CDC25B: variants seen among roughly 807,000 people sequenced by gnomAD.
CDC25B encodes the protein cell division cycle 25B.
CDC25B carries 33 observed loss-of-function variants against 69.8 expected under a neutral mutation model. The observed-to-expected ratio is 0.47, with a 90% CI of 0.36 to 0.63. The LOEUF (loss-of-function observed/expected upper bound fraction) is 0.63, where lower values mean the gene tolerates loss of function less well. CDC25B is among the 30% of genes least tolerant of loss of function. CDC25B has a pLI of 0.00. For missense variants in CDC25B, 727 were observed against 809.1 expected (o/e 0.90, Z 1.23); for synonymous variants, 341 against 314.6 (o/e 1.08, Z -0.89).
Position 3,805,305 on chromosome 20 carries a change from G to C in CDC25B, c.*344G>C. 3.0e-6 allele frequency: 1 copy of C among 336,842 alleles called. No individual in the cohort carries two copies. The highest frequency in any genetic ancestry group is 5.6e-6 in the Non-Finnish European group (1 of 179,454). The allele number at this position is 336,842 out of a possible 1,614,324, so 20.9% of individuals were successfully genotyped here. On this transcript the variant is annotated 3_prime_UTR_variant, in exon 16 of 16. Coordinates refer to ENST00000245960, the MANE Select transcript of CDC25B (RefSeq NM_021873.4). ...TGTCCTGAAACGCTCCTTTGTGTGTGTGTCAGCTGAGGCTGGGGGAGAGCC... is the reference window on the plus strand; with the variant it reads ...TGTCCTGAAACGCTCCTTTGTGTGTCTGTCAGCTGAGGCTGGGGGAGAGCC...
chr20:3,787,156 T>C (rs2088839721), intron 1 of CDC25B: 1 of 660,338 alleles, frequency 1.5e-6, no homozygotes, highest in Non-Finnish European at 2.7e-6. Flanking sequence ...TTTTGATACA[T>C]TTCCTTCCAG....
rs2089337247 is a variant in CDC25B at position 3,802,941 on chromosome 20, A to G, written c.1226A>G (p.His409Arg). 1 of 1,614,116 alleles carries G rather than the reference A, an allele frequency of 6.2e-7. No homozygotes were observed. Among genetic ancestry groups the G allele is most frequent in the Non-Finnish European group, 8.5e-7 (1 of 1,179,962 alleles). Reference protein sequence around the residue: ...AFLLQTVDGKHQDLKYISPET... With the variant: ...AFLLQTVDGKRQDLKYISPET... The stretch of plus-strand genomic sequence containing the variant: ...CTCCTACAGACAGTAGACGGAAAGC[A>G]CCAAGACCTCAAGTACATCTCACCA... The change falls in exon 12 of 16, where the codon CAC (histidine) becomes CGC (arginine). Residue 409 changes from histidine (H) to arginine (R), a missense_variant. By Grantham distance (29) the His-to-Arg change is conservative. Transcript: ENST00000245960.
In CDC25B at chr20:3,802,068, C is replaced by A. The variant is rs765333514; in HGVS notation, c.1066C>A (p.Pro356Thr). 25 of 1,559,736 alleles carry A rather than the reference C, an allele frequency of 1.6e-5. No individual in the cohort carries two copies. Among genetic ancestry groups the A allele is most frequent in the Non-Finnish European group, 2.2e-5 (25 of 1,151,614 alleles). ...GAATAAGCGGAGGCGGAGCGTGACC[C>A]CTCCTGAGGAGCAGCAGGAGGCTGA... Reference protein sequence around the residue: ...VQNKRRRSVTPPEEQQEAEEP... With the variant: ...VQNKRRRSVTTPEEQQEAEEP... Residue 356 changes from proline to threonine, a missense_variant, in exon 10 of 16, where the codon CCT becomes ACT. Pro to Thr is a conservative substitution (Grantham distance 38). This residue lies in a region of CDC25B where 359 missense variants were observed against 463.4 expected (regional missense o/e 0.77). Coordinates refer to ENST00000245960, the MANE Select transcript of CDC25B (RefSeq NM_021873.4).
rs1278441568 is a variant in CDC25B at position 3,796,426 on chromosome 20, C to CA, written c.-106_-105insA. ...CTTCCTCCCTCCCTCCTTCCCCCCC[C>CA]CCCCACCCCTCGCCCGCTGCCTCCC... On this transcript the variant is annotated 5_prime_UTR_variant, in exon 1 of 16. Coordinates refer to ENST00000245960, the MANE Select transcript of CDC25B (RefSeq NM_021873.4). The CA allele has an allele frequency of 6.2e-5, 14 of 227,516 alleles. 1 individual carries two copies. Among genetic ancestry groups the CA allele is most frequent in the African/African-American group, 3.7e-4 (13 of 35,324 alleles). The allele number at this position is 227,516 out of a possible 1,614,324, so 14.1% of individuals were successfully genotyped here. A position where few individuals can be genotyped will look rare whatever the true frequency, so the allele number is the denominator to read the frequency against.
Position 3,805,790 on chromosome 20 carries a change from CGGATGGATGGAAGGTT to C in CDC25B, c.*840_*855del. ...CTCAGAACTTGCTGCTGTCTTGTTGCGGATGGATGGAAGGTTGGATGGATGGGTGGATGGCCGTGGA... is the reference window on the plus strand; with the variant it reads ...CTCAGAACTTGCTGCTGTCTTGTTGCGGATGGATGGGTGGATGGCCGTGGA... On this transcript the variant is annotated 3_prime_UTR_variant, in exon 16 of 16. Transcript: ENST00000245960. The C allele has an allele frequency of 4.9e-6, 2 of 406,288 alleles. No individual in the cohort carries two copies. Among genetic ancestry groups the C allele is most frequent in the Non-Finnish European group, 8.8e-6 (2 of 228,256 alleles). 25.2% of individuals were successfully genotyped at this position (406,288 alleles called of 1,614,324 possible). A position where few individuals can be genotyped will look rare whatever the true frequency, so the allele number is the denominator to read the frequency against.
chr20:3,802,233 G>T, intron 10 of CDC25B, 48 bp from the exon 11 acceptor site: 1 of 1,572,652 alleles, frequency 6.4e-7, no homozygotes. Flanking sequence ...CAGAGCACTG[G>T]GGGGCAGCCC....
intron 5 of CDC25B, 121 bp downstream of exon 5, chr20:3,800,619 G>T: frequency 1.3e-6 from 2 of 1,584,114 alleles, no homozygotes; most frequent in South Asian, 2.2e-5. Flanking sequence ...GTAGGAGATG[G>T]GGTTTCAGAG....
rs145108436 is a variant in CDC25B, at chr20:3,801,929, C to T, written c.927C>T (p.Leu309=). 2.6e-3 allele frequency: 4,136 copies of T among 1,609,492 alleles called. 8 individuals carry two copies. The highest frequency in any genetic ancestry group is 3.4e-3 in the Non-Finnish European group (3,959 of 1,177,260). ...KTLEKEEEKD[L]VMYSKCQRLF... is the part of the protein sequence containing the mutation. ...TAACCTGCTGTCCCTGCCAGGACCTCGTCATGTACAGCAAGTGCCAGCGGC... is the reference window on the plus strand; with the variant it reads ...TAACCTGCTGTCCCTGCCAGGACCTTGTCATGTACAGCAAGTGCCAGCGGC... The change falls in exon 10 of 16, where the codon CTC becomes CTT. Residue 309 remains leucine (L), a synonymous_variant. Transcript: ENST00000245960.
chr20:3,803,143 C>A lies in CDC25B; in HGVS notation c.1293C>A (p.Ile431=). The part of the protein sequence containing the change: ...VALLTGKFSN[I]VDKFVIVDCR... ...TATTGACGGGCAAGTTCAGCAACATCGTGGATAAGTTTGTGATTGTAGACT... is the reference window on the plus strand; with the variant it reads ...TATTGACGGGCAAGTTCAGCAACATAGTGGATAAGTTTGTGATTGTAGACT... The change falls in exon 13 of 16, where the codon ATC becomes ATA. Residue 431 remains isoleucine (I), a synonymous_variant. Coordinates refer to ENST00000245960, the MANE Select transcript of CDC25B (RefSeq NM_021873.4). This position sits in a 1 kb window ranked among gnomAD's most constrained non-coding sequence, Gnocchi z 4.9. 6.2e-7 allele frequency: 1 copy of A among 1,614,004 alleles called. No individual in the cohort carries two copies.
intron 11 of CDC25B, 169 bp from the exon 12 acceptor site, chr20:3,802,741 G>C: frequency 1.6e-6 from 1 of 632,732 alleles, no homozygotes; most frequent in South Asian, 1.9e-5. Flanking sequence ...TTGTTCCCTG[G>C]GTGTCAGACC....
At chr20:3,793,962 T>C (rs1465213087), upstream of CDC25B, among the ~76,000 whole-genome samples, 18 of 148,570 alleles carry the variant, frequency 1.2e-4, no homozygotes, top group Non-Finnish European at 2.2e-4. Flanking sequence ...TATTCCATGG[T>C]GTATATGTGC....
Position 3,797,488 on chromosome 20 carries a change from CTCAGGGCCA to C in CDC25B, c.201-132_201-124del. ...TTCCTTGACCTGAGAAGAGGGGGCC[CTCAGGGCCA>C]TTGCTTTCCCGGTGTAGTGTTTCGC... On this transcript the variant is annotated intron_variant, in intron 1 of 15. Transcript: ENST00000245960. 3.4e-6 allele frequency: 4 copies of C among 1,192,268 alleles called. No homozygotes were observed. The South Asian group carries it at 5.8e-5, about 17-fold the overall frequency. 73.9% of individuals were successfully genotyped at this position (1,192,268 alleles called of 1,614,324 possible).
Position 3,805,822 on chromosome 20 carries a change from T to C in CDC25B, c.*861T>C, listed in dbSNP as rs977257671. The C allele has an allele frequency of 2.5e-6, 1 of 405,782 alleles. No homozygotes were observed. Among genetic ancestry groups the C allele is most frequent in the Non-Finnish European group, 4.4e-6 (1 of 228,026 alleles). 25.1% of individuals were successfully genotyped at this position (405,782 alleles called of 1,614,324 possible). A position where few individuals can be genotyped will look rare whatever the true frequency, so the allele number is the denominator to read the frequency against. ...ATGGAAGGTTGGATGGATGGGTGGATGGCCGTGGATGGCCGTGGATGCGCA... is the reference window on the plus strand; with the variant it reads ...ATGGAAGGTTGGATGGATGGGTGGACGGCCGTGGATGGCCGTGGATGCGCA... On this transcript the variant is annotated 3_prime_UTR_variant, in exon 16 of 16. Transcript: ENST00000245960.
rs756808993 is a variant in CDC25B, at chr20:3,800,318, G to A, written c.411G>A (p.Arg137=). 8.1e-6 allele frequency: 13 copies of A among 1,614,128 alleles called. No homozygotes were observed. The highest frequency in any genetic ancestry group is 1.1e-5 in the Non-Finnish European group (13 of 1,180,022). The change falls in exon 4 of 16, where the codon CGG becomes CGA. Residue 137 remains arginine, a synonymous_variant. Transcript: ENST00000245960. ...TFEQAIQAAS[R]IIRNEQFAIR... ...AACAGGCCATCCAGGCAGCCAGCCG[G>A]ATCATTCGAAAGTAAGTGTTCCTGG...
Position 3,802,335 on chromosome 20 carries a change from C to T in CDC25B, c.1153C>T (p.Leu385=), listed in dbSNP as rs371158244. The T allele has an allele frequency of 1.3e-4, 184 of 1,459,384 alleles. No homozygotes were observed. The highest frequency in any genetic ancestry group is 1.2e-3 in the Middle Eastern group (7 of 5,686). The allele number at this position is 1,459,384 out of a possible 1,614,324, so 90.4% of individuals were successfully genotyped here. A position where few individuals can be genotyped will look rare whatever the true frequency, so the allele number is the denominator to read the frequency against. Residue 385 remains leucine, a synonymous_variant, in exon 11 of 16, where the codon CTG becomes TTG. Transcript: ENST00000245960. ...GTGTCACGATGAGATCGAGAACCTC[C>T]TGGACAGTGACCACCGAGAGCTGAT... The part of the protein sequence containing the change: ...SLCHDEIENL[L]DSDHRELIGD...
Position 3,801,939 on chromosome 20 carries a change from A to G in CDC25B, c.937A>G (p.Ser313Gly), listed in dbSNP as rs1313119421. 6.2e-7 allele frequency: 1 copy of G among 1,612,144 alleles called. No individual in the cohort carries two copies. The highest frequency in any genetic ancestry group is 8.5e-7 in the Non-Finnish European group (1 of 1,178,998). Residue 313 changes from serine to glycine, a missense_variant, in exon 10 of 16, where the codon AGC (serine) becomes GGC (glycine). Physicochemically the swap from Ser to Gly is moderately conservative, Grantham distance 56. Transcript: ENST00000245960. ...TCCCTGCCAGGACCTCGTCATGTAC[A>G]GCAAGTGCCAGCGGCTCTTCCGCTC... The part of the protein sequence containing the change: ...KEEEKDLVMY[S>G]KCQRLFRSPS...
intron 10 of CDC25B, 71 bp downstream of exon 10, chr20:3,802,171 C>T (rs2089308077): frequency 6.5e-7 from 1 of 1,541,360 alleles, no homozygotes; most frequent in African/African-American, 1.4e-5. Context: ...AAGTTTGTGG[C>T]AGAGGGCAGG....
At chr20:3,791,138 C>A (rs1275387071) in intron 1 of CDC25B, among the ~76,000 whole-genome samples, 1 of 152,216 alleles carries the variant, frequency 6.6e-6, no homozygotes, top group Non-Finnish European at 1.5e-5. Context: ...ATGTATTGCA[C>A]AGTGCAAAGG....
At chr20:3,788,459 G>T (rs2088861708) in intron 1 of CDC25B, among the ~76,000 whole-genome samples, 1 of 152,196 alleles carries the variant, frequency 6.6e-6, no homozygotes. Flanking sequence ...AGTTAGTTTA[G>T]GGAATCTTTT....
Sources: allele counts gnomAD v4.1 joint callset (sites outside exome capture counted in the v4.1 genomes callset), GRCh38; gene constraint gnomAD v4.1.1; regional missense constraint gnomAD v4.1.1; non-coding constraint Gnocchi (gnomAD v3.1); transcripts MANE v1.5; gene names NCBI Gene and HGNC (gene_info 2026-07-23, HGNC 2026-07-21).